WDR25: variants seen among roughly 807,000 people sequenced by gnomAD.
WDR25 encodes the protein WD repeat domain 25.
In WDR25, 35 loss-of-function variants were observed where a neutral mutation model predicts 47.7. The observed-to-expected ratio is 0.73, with a 90% confidence interval of 0.56 to 0.97. The LOEUF (loss-of-function observed/expected upper bound fraction) is 0.97, where lower values mean the gene tolerates loss of function less well. Ranked by LOEUF, WDR25 falls within the 50% of genes least tolerant of loss-of-function variation. The pLI, the probability that WDR25 is intolerant of heterozygous loss-of-function variation, is 0.00. For missense variants in WDR25, 634 were observed against 704.7 expected (o/e 0.90, Z 1.14); for synonymous variants, 248 against 278.9 (o/e 0.89, Z 1.10).
chr14:100,464,311 C>T (rs1381568739), intron 2 of WDR25, among the ~76,000 whole-genome samples: 1 of 152,200 alleles, frequency 6.6e-6, no homozygotes, highest in Non-Finnish European at 1.5e-5. Flanking sequence ...CCTCCCTGGC[C>T]ACCATTTCAG....
intron 2 of WDR25, among the ~76,000 whole-genome samples, chr14:100,464,423 G>C (rs1025235383): frequency 1.3e-5 from 2 of 152,096 alleles, no homozygotes; most frequent in African/African-American, 2.4e-5. Flanking sequence ...TTCAGTGTCT[G>C]TCTCCCTCAC....
At chr14:100,422,493 G>A (rs1898053694) in intron 2 of WDR25, among the ~76,000 whole-genome samples, 1 of 152,168 alleles carries the variant, frequency 6.6e-6, no homozygotes, top group African/African-American at 2.4e-5. Context: ...TCAATGGGAC[G>A]AGCCTCACAG....
intron 2 of WDR25, among the ~76,000 whole-genome samples, chr14:100,393,805 G>A (rs990343925): frequency 6.6e-6 from 1 of 152,172 alleles, no homozygotes; most frequent in East Asian, 1.9e-4. Flanking sequence ...CTCCAAGGCC[G>A]TTAATGGCTT....
chr14:100,421,872 C>T (rs1311827678), intron 2 of WDR25, among the ~76,000 whole-genome samples: 1 of 152,206 alleles, frequency 6.6e-6, no homozygotes, highest in Non-Finnish European at 1.5e-5. Context: ...TCTATCCATC[C>T]ATCCATCTAT....
At position 100,523,918 on chromosome 14, in the gene WDR25, C is replaced by G. The variant is rs2029984651; in HGVS notation, c.1102-1952C>G. ...TGCCATAAAACCCACCAGCTAGACA[C>G]ACAAATGGCTCCTTTGCTCTTTCCT... On this transcript the variant is annotated intron_variant, in intron 4 of 6. Transcript: ENST00000402312. This position sits in a 1 kb window ranked among gnomAD's most constrained non-coding sequence, Gnocchi z 4.7. Among the ~76,000 whole-genome samples the G allele has an allele frequency of 6.6e-6, 1 of 152,160 alleles. No homozygotes were observed. Among genetic ancestry groups the G allele is most frequent in the Non-Finnish European group, 1.5e-5 (1 of 68,024 alleles).
rs886357593 is a variant in WDR25, at chr14:100,529,599, C to T, written c.1414-221C>T. 6.5e-6 allele frequency: 4 copies of T among 612,192 alleles called. No individual in the cohort carries two copies. In the East Asian group the frequency reaches 8.4e-5, roughly 13 times the overall value. The allele number at this position is 612,192 out of a possible 1,614,324, so 37.9% of individuals were successfully genotyped here. The stretch of plus-strand genomic sequence containing the variant: ...GCCAGACCCCTCAGCTGGGCTGGAG[C>T]TGGTCCCGCTGGATCTGCTGAACTG... On this transcript the variant is annotated intron_variant, in intron 6 of 6. Transcript: ENST00000402312. This position sits in a 1 kb window ranked among gnomAD's most constrained non-coding sequence, Gnocchi z 5.1.
chr14:100,500,110 T>A lies in WDR25; in HGVS notation c.1101+15986T>A, dbSNP rs760984614. Among the ~76,000 whole-genome samples, 3 of 151,974 alleles carry A rather than the reference T, an allele frequency of 2.0e-5. No individual in the cohort carries two copies. The highest frequency in any genetic ancestry group is 2.9e-5 in the Non-Finnish European group (2 of 67,966). The stretch of plus-strand genomic sequence containing the variant: ...TGCCACAACCCTCCTCCCCTACTTC[T>A]CTCTTACCTGCTGCATCCTCTCTGT... On this transcript the variant is annotated intron_variant, in intron 4 of 6. Coordinates refer to ENST00000402312, the MANE Select transcript of WDR25 (RefSeq NM_001161476.3). This position sits in a 1 kb window ranked among gnomAD's most constrained non-coding sequence, Gnocchi z 4.7.
rs1264623864 is a variant in WDR25, at chr14:100,381,219, C to T, written c.295C>T (p.Pro99Ser). 1 of 1,614,078 alleles carries T rather than the reference C, an allele frequency of 6.2e-7. No individual in the cohort carries two copies. Among genetic ancestry groups the T allele is most frequent in the Non-Finnish European group, 8.5e-7 (1 of 1,180,022 alleles). The change falls in exon 2 of 7, where the codon CCC (proline) becomes TCC (serine). Residue 99 changes from proline to serine, a missense_variant. Pro to Ser is a moderately conservative substitution (Grantham distance 74). Transcript: ENST00000402312. ...GSCPSQRLQW[P>S]GKEPQVTFPI... ...TTGCCCCAGCCAGAGGCTACAGTGG[C>T]CCGGGAAGGAGCCTCAAGTCACCTT...
At position 100,424,464 on chromosome 14, in the gene WDR25, C is replaced by T. The variant is rs1192799618; in HGVS notation, c.822+42718C>T. ...TGCTACTGGGGACCCGCCACTGACCCCAGGGCTTTCTTGTATCAAGAGGAA... is the reference window on the plus strand; with the variant it reads ...TGCTACTGGGGACCCGCCACTGACCTCAGGGCTTTCTTGTATCAAGAGGAA... On this transcript the variant is annotated intron_variant, in intron 2 of 6. Transcript: ENST00000402312. This position sits in a 1 kb window ranked among gnomAD's most constrained non-coding sequence, Gnocchi z 4.2. 1.3e-5 allele frequency among the ~76,000 whole-genome samples: 2 copies of T among 152,194 alleles called. No homozygotes were observed. The highest frequency in any genetic ancestry group is 2.4e-5 in the African/African-American group (1 of 41,444).
chr14:100,464,971 T>A (rs1451423044), intron 2 of WDR25, among the ~76,000 whole-genome samples: 1 of 144,906 alleles, frequency 6.9e-6, no homozygotes, highest in Non-Finnish European at 1.5e-5. Flanking sequence ...CTACCCCATC[T>A]CATCTCCCCT....
chr14:100,388,543 C>T (rs1011406814), intron 2 of WDR25, among the ~76,000 whole-genome samples: 8 of 151,686 alleles, frequency 5.3e-5, no homozygotes, highest in Admixed American at 3.3e-4. Context: ...GCAGAGCTGC[C>T]GAGCCTCTGG....
chr14:100,394,231 G>T (rs775693697), intron 2 of WDR25, among the ~76,000 whole-genome samples: 2 of 152,198 alleles, frequency 1.3e-5, no homozygotes, highest in African/African-American at 4.8e-5. Flanking sequence ...GACCCCAGCA[G>T]ACTCTTGAGG....
chr14:100,525,262 C>T lies in WDR25; in HGVS notation c.1102-608C>T, dbSNP rs2030062274. Among the ~76,000 whole-genome samples, 1 of 152,218 alleles carries T rather than the reference C, an allele frequency of 6.6e-6. No individual in the cohort carries two copies. Among genetic ancestry groups the T allele is most frequent in the Non-Finnish European group, 1.5e-5 (1 of 68,040 alleles). On this transcript the variant is annotated intron_variant, in intron 4 of 6. Transcript: ENST00000402312. This position sits in a 1 kb window ranked among gnomAD's most constrained non-coding sequence, Gnocchi z 4.6. The stretch of plus-strand genomic sequence containing the variant: ...CAGAAGCTGAATGTGATAAAATCCT[C>T]TAAGAAAGCAAAACAACTGCTCAAT...
rs375413799 is a variant in WDR25 at position 100,389,470 on chromosome 14, A to G, written c.822+7724A>G. On this transcript the variant is annotated intron_variant, in intron 2 of 6. Transcript: ENST00000402312. ...TCTTGTCAGGTGTTTTCTTTTGTCT[A>G]TTCTCCCAGATGAACACAGCTCTCA... 1.0e-3 allele frequency among the ~76,000 whole-genome samples: 155 copies of G among 152,134 alleles called. 1 individual carries two copies. The highest frequency in any genetic ancestry group is 3.6e-3 in the African/African-American group (149 of 41,478).
At chr14:100,396,509 C>T (rs897020000) in intron 2 of WDR25, among the ~76,000 whole-genome samples, 86 of 152,206 alleles carry the variant, frequency 5.7e-4, no homozygotes, top group Admixed American at 4.3e-3. Flanking sequence ...TGGTGCCTTG[C>T]GTCTTGTTCT....
chr14:100,378,083 G>A (rs12897688), intron 1 of WDR25, among the ~76,000 whole-genome samples: 23,831 of 152,202 alleles, frequency 0.16, 2,280 homozygotes, highest in Non-Finnish European at 0.22. Context: ...GGTGCTAACA[G>A]CACAGAAGTA....
chr14:100,514,037 G>A (rs996459094), intron 4 of WDR25, among the ~76,000 whole-genome samples: 1 of 151,284 alleles, frequency 6.6e-6, no homozygotes, highest in Admixed American at 6.6e-5. Flanking sequence ...CCGGGTTCAC[G>A]CCATTCTCCT....
chr14:100,379,818 T>C (rs1896832103), intron 1 of WDR25, among the ~76,000 whole-genome samples: 2 of 152,108 alleles, frequency 1.3e-5, no homozygotes, highest in South Asian at 4.1e-4. Flanking sequence ...CTCGGTTCAC[T>C]GCAACTTCCG....
intron 2 of WDR25, among the ~76,000 whole-genome samples, chr14:100,462,067 A>G (rs113936609): frequency 0.013 from 2,017 of 152,150 alleles, 35 homozygotes; most frequent in African/African-American, 0.043. Context: ...TTTTGTAACC[A>G]AAAACGAAAG....
Sources: allele counts gnomAD v4.1 joint callset (sites outside exome capture counted in the v4.1 genomes callset), GRCh38; gene constraint gnomAD v4.1.1; non-coding constraint Gnocchi (gnomAD v3.1); transcripts MANE v1.5; gene names NCBI Gene and HGNC (gene_info 2026-07-23, HGNC 2026-07-21).